Variants in MYO6 observed in about 807,000 individuals in gnomAD.
MYO6 encodes unconventional myosin-VI.
A neutral mutation model predicts 178.7 loss-of-function variants in MYO6; 74 were observed. The observed-to-expected ratio is 0.41, with a 90% CI of 0.34 to 0.50. The LOEUF (loss-of-function observed/expected upper bound fraction) is 0.50. MYO6 is among the 20% of genes least tolerant of loss of function. The pLI is 0.09. For missense variants in MYO6, 1,330 were observed against 1,547.4 expected (o/e 0.86, Z 2.36); for synonymous variants, 477 against 504.6 (o/e 0.95, Z 0.73).
chr6:75,898,105 A>T (rs2149387186), intron 29 of MYO6, among the ~76,000 whole-genome samples: 1 of 152,326 alleles, frequency 6.6e-6, no homozygotes, highest in Non-Finnish European at 1.5e-5. Flanking sequence ...ATACCATAAA[A>T]GCTTTCCTGA....
intron 13 of MYO6, 145 bp downstream of exon 13, chr6:75,857,399 C>A: frequency 1.2e-6 from 1 of 826,886 alleles, no homozygotes; most frequent in Non-Finnish European, 2.0e-6. Context: ...CATAATATGA[C>A]CTAGATAGGG....
intron 7 of MYO6, among the ~76,000 whole-genome samples, chr6:75,836,875 G>A (rs1442852511): frequency 1.3e-5 from 2 of 152,084 alleles, no homozygotes; most frequent in African/African-American, 4.8e-5. Flanking sequence ...GAGCCACCGC[G>A]CCCAGCTGGA....
At chr6:75,797,560 G>A (rs1367593993) in intron 1 of MYO6, among the ~76,000 whole-genome samples, 1 of 151,564 alleles carries the variant, frequency 6.6e-6, no homozygotes, top group East Asian at 1.9e-4. Context: ...TTGAGACTAA[G>A]TCTCACTCTG....
At chr6:75,832,989 T>C in intron 6 of MYO6, 42 bp downstream of exon 6, 1 of 1,343,204 alleles carries the variant, frequency 7.4e-7, no homozygotes, top group Non-Finnish European at 1.1e-6. Flanking sequence ...TAGGTTGATC[T>C]TTTTTTTCCC....
chr6:75,890,033 A>T, intron 25 of MYO6, 24 bp from the exon 26 acceptor site: 2 of 1,503,986 alleles, frequency 1.3e-6, no homozygotes, highest in Non-Finnish European at 1.9e-6. Flanking sequence ...GCTTTTACGT[A>T]CCTATTTATT....
At chr6:75,833,085 C>A (rs954111178) in intron 6 of MYO6, 138 bp downstream of exon 6, 86 of 676,554 alleles carry the variant, frequency 1.3e-4, no homozygotes, top group South Asian at 1.3e-4. Context: ...CTCCTGGGCT[C>A]AAGCCACTGT....
chr6:75,815,594 C>T (rs72890637), intron 1 of MYO6, among the ~76,000 whole-genome samples: 6,221 of 152,292 alleles, frequency 0.041, 200 homozygotes, highest in Non-Finnish European at 0.058. Context: ...GACTCTTCAT[C>T]TAATTTGTCA....
At chr6:75,789,900 A>G (rs529114750) in intron 1 of MYO6, among the ~76,000 whole-genome samples, 2 of 151,986 alleles carry the variant, frequency 1.3e-5, no homozygotes, top group South Asian at 4.2e-4. Flanking sequence ...CCTGTCCTCC[A>G]CCCTCTTTCA....
rs1038811282 is a variant in MYO6 at position 75,817,769 on chromosome 6, G to A, written c.117+105G>A. 2.3e-5 allele frequency: 23 copies of A among 996,860 alleles called. No homozygotes were observed. The Admixed American group carries it at 3.4e-4, about 15-fold the overall frequency. 61.8% of individuals were successfully genotyped at this position (996,860 alleles called of 1,614,324 possible). On this transcript the variant is annotated intron_variant, in intron 2 of 34. Transcript: ENST00000369977. ...CTTAATGAGGTAGATATTTGGGAAA[G>A]CATATTTCTGGTAAGTGAGTCTGTT...
intron 1 of MYO6, among the ~76,000 whole-genome samples, chr6:75,793,449 C>G (rs758371312): frequency 7.2e-5 from 11 of 151,832 alleles, no homozygotes; most frequent in Non-Finnish European, 1.5e-4. Context: ...ACTAAAAATA[C>G]AAAAATTAGC....
At chr6:75,755,744 C>T (rs76139980) in intron 1 of MYO6, among the ~76,000 whole-genome samples, 2,460 of 152,230 alleles carry the variant, frequency 0.016, 61 homozygotes, top group African/African-American at 0.056. Flanking sequence ...TTATTTAAAA[C>T]GTACTGTAGT....
intron 1 of MYO6, among the ~76,000 whole-genome samples, chr6:75,816,458 C>T (rs893197971): frequency 5.9e-5 from 9 of 152,370 alleles, no homozygotes; most frequent in Middle Eastern, 3.4e-3. Context: ...CCTCCTGCCT[C>T]GGCCTCTCAA....
chr6:75,798,725 C>G (rs1235808138), intron 1 of MYO6, among the ~76,000 whole-genome samples: 1 of 151,890 alleles, frequency 6.6e-6, no homozygotes, highest in Non-Finnish European at 1.5e-5. Context: ...AGAATGCTTA[C>G]TCACACCACT....
At chr6:75,809,588 G>A (rs1343003111) in intron 1 of MYO6, among the ~76,000 whole-genome samples, 2 of 152,112 alleles carry the variant, frequency 1.3e-5, no homozygotes, top group East Asian at 1.9e-4. Flanking sequence ...GACATAATAC[G>A]TGGAAGGTAT....
chr6:75,863,647 G>A (rs1294890207), intron 16 of MYO6, among the ~76,000 whole-genome samples: 5 of 151,970 alleles, frequency 3.3e-5, no homozygotes, highest in Admixed American at 2.0e-4. Context: ...CACCACGCCC[G>A]GCTAATTTTT....
intron 31 of MYO6, 38 bp from the exon 32 acceptor site, chr6:75,908,458 C>T (rs1780512618): frequency 2.5e-6 from 4 of 1,592,620 alleles, no homozygotes; most frequent in Non-Finnish European, 3.4e-6. Flanking sequence ...AATAAATTAA[C>T]ATGTCAATTT....
chr6:75,902,927 C>G (rs1177194610), intron 30 of MYO6, among the ~76,000 whole-genome samples: 22 of 151,672 alleles, frequency 1.5e-4, no homozygotes, highest in African/African-American at 5.3e-4. Flanking sequence ...TATGTTGTGT[C>G]TTTGTTCTCG....
chr6:75,805,021 A>ATATATTTT lies in MYO6; in HGVS notation c.-47-12479_-47-12478insATATTTTT, dbSNP rs1252912172. Among the ~76,000 whole-genome samples, 26 of 77,284 alleles carry ATATATTTT rather than the reference A, an allele frequency of 3.4e-4. 1 individual carries two copies. The highest frequency in any genetic ancestry group is 2.1e-3 in the African/African-American group (21 of 9,846). 50.7% of individuals were successfully genotyped at this position (77,284 alleles called of 152,430 possible). A position where few individuals can be genotyped will look rare whatever the true frequency, so the allele number is the denominator to read the frequency against. On this transcript the variant is annotated intron_variant, in intron 1 of 34. Transcript: ENST00000369977. ...CACACACATATATATATATATATAT[A>ATATATTTT]TTTTTTTTTTTTTTTTTTTTGAGAC...
At chr6:75,856,249 A>G (rs180784754) in intron 12 of MYO6, among the ~76,000 whole-genome samples, 267 of 151,986 alleles carry the variant, frequency 1.8e-3, no homozygotes, top group African/African-American at 6.2e-3. Flanking sequence ...CCATTTTCCC[A>G]TTTTCTCCTT....
Sources: allele counts gnomAD v4.1 joint callset (sites outside exome capture counted in the v4.1 genomes callset), GRCh38; gene constraint gnomAD v4.1.1; transcripts MANE v1.5; gene names NCBI Gene and HGNC (gene_info 2026-07-23, HGNC 2026-07-21).